AGPS: variants seen among roughly 807,000 people sequenced by gnomAD.
AGPS encodes the protein alkylglycerone phosphate synthase, also known as alkyldihydroxyacetonephosphate synthase, peroxisomal.
AGPS carries 26 observed loss-of-function variants against 90.7 expected under a neutral mutation model. The observed-to-expected ratio is 0.29, with a 90% CI of 0.21 to 0.40. AGPS has a LOEUF of 0.40. Ranked by LOEUF, AGPS falls within the 10% of genes least tolerant of loss-of-function variation. AGPS has a pLI of 1.00. For missense variants in AGPS, 540 were observed against 816.1 expected (o/e 0.66, Z 4.12); for synonymous variants, 294 against 285.3 (o/e 1.03, Z -0.31).
At chr2:177,485,063 C>T (rs1688055666) in intron 11 of AGPS, among the ~76,000 whole-genome samples, 2 of 152,030 alleles carry the variant, frequency 1.3e-5, no homozygotes, top group African/African-American at 2.4e-5. Flanking sequence ...CCACCATGCC[C>T]GGCCCCAAAT....
intron 19 of AGPS, among the ~76,000 whole-genome samples, chr2:177,537,278 A>G (rs1377184751): frequency 6.6e-6 from 1 of 152,122 alleles, no homozygotes; most frequent in African/African-American, 2.4e-5. Context: ...TTTTTCATTG[A>G]GTACCTTTTG....
At chr2:177,529,830 T>C (rs1016130655) in intron 19 of AGPS, among the ~76,000 whole-genome samples, 1 of 152,186 alleles carries the variant, frequency 6.6e-6, no homozygotes, top group African/African-American at 2.4e-5. Context: ...CTATATTGGA[T>C]TCCTGGTTTT....
chr2:177,519,987 A>G (rs1238474823), intron 17 of AGPS, among the ~76,000 whole-genome samples: 2 of 152,228 alleles, frequency 1.3e-5, no homozygotes, highest in Non-Finnish European at 1.5e-5. Context: ...TAGACCATAT[A>G]GGGTAACTTC....
intron 5 of AGPS, among the ~76,000 whole-genome samples, chr2:177,439,753 A>C (rs1207561057): frequency 6.6e-6 from 1 of 152,092 alleles, no homozygotes. Flanking sequence ...GGAGTTTTGC[A>C]TAGTTTTCTT....
intron 10 of AGPS, among the ~76,000 whole-genome samples, chr2:177,472,299 A>G (rs1340778167): frequency 6.6e-6 from 1 of 150,454 alleles, no homozygotes; most frequent in African/African-American, 2.5e-5. Flanking sequence ...TTAAGTTTTA[A>G]TTTGAATCTA....
chr2:177,527,218 A>T (rs1165630905), intron 19 of AGPS, among the ~76,000 whole-genome samples: 1 of 152,122 alleles, frequency 6.6e-6, no homozygotes, highest in African/African-American at 2.4e-5. Flanking sequence ...GCTTAAGCTC[A>T]GGAGTTCGAG....
chr2:177,518,468 G>A (rs116264315), intron 17 of AGPS, among the ~76,000 whole-genome samples: 3,271 of 152,096 alleles, frequency 0.022, 77 homozygotes, highest in South Asian at 0.055. Context: ...ACCTTATGGG[G>A]AGAAACTTTG....
intron 8 of AGPS, among the ~76,000 whole-genome samples, chr2:177,450,975 T>TATA (rs1434749270): frequency 1.5e-5 from 2 of 136,596 alleles, no homozygotes; most frequent in African/African-American, 7.1e-5. Context: ...TATATATATA[T>TATA]TTTAGAGACA....
intron 2 of AGPS, among the ~76,000 whole-genome samples, chr2:177,432,845 G>T (rs1686283975): frequency 6.6e-6 from 1 of 152,188 alleles, no homozygotes; most frequent in Non-Finnish European, 1.5e-5. Context: ...CTGCAGAAGG[G>T]GAAGGGGAGC....
At chr2:177,446,327 G>C (rs898826395) in intron 8 of AGPS, among the ~76,000 whole-genome samples, 2 of 151,978 alleles carry the variant, frequency 1.3e-5, no homozygotes, top group African/African-American at 4.8e-5. Flanking sequence ...CTAATTTTTT[G>C]TATTTTTAGT....
At chr2:177,432,010 A>C (rs1158534718) in intron 2 of AGPS, among the ~76,000 whole-genome samples, 2 of 152,238 alleles carry the variant, frequency 1.3e-5, no homozygotes, top group Non-Finnish European at 2.9e-5. Context: ...CCATGGCTCC[A>C]GCCGGTCCCT....
rs1213383656 is a variant in AGPS, at chr2:177,538,353, A to T, written c.*158A>T. 5.2e-6 allele frequency: 4 copies of T among 765,478 alleles called. No individual in the cohort carries two copies. The highest frequency in any genetic ancestry group is 8.3e-6 in the Non-Finnish European group (4 of 481,760). 47.4% of individuals were successfully genotyped at this position (765,478 alleles called of 1,614,324 possible). A position where few individuals can be genotyped will look rare whatever the true frequency, so the allele number is the denominator to read the frequency against. ...TCATTCTGTAGTTTGTTTTGTTTCTACATCTATGGATTGACAGATAGTATT... is the reference window on the plus strand; with the variant it reads ...TCATTCTGTAGTTTGTTTTGTTTCTTCATCTATGGATTGACAGATAGTATT... On this transcript the variant is annotated 3_prime_UTR_variant, in exon 20 of 20. Coordinates refer to ENST00000264167, the MANE Select transcript of AGPS (RefSeq NM_003659.4).
intron 1 of AGPS, among the ~76,000 whole-genome samples, chr2:177,409,989 C>T (rs753360381): frequency 2.6e-5 from 4 of 152,200 alleles, no homozygotes; most frequent in Non-Finnish European, 4.4e-5. Flanking sequence ...TGGGTGCTAT[C>T]AATGCCTAAA....
chr2:177,486,636 T>A (rs1033670679), intron 11 of AGPS, among the ~76,000 whole-genome samples: 5 of 149,872 alleles, frequency 3.3e-5, no homozygotes, highest in African/African-American at 1.2e-4. Flanking sequence ...TATTTTCAGA[T>A]TCAAGTTGCT....
At chr2:177,405,847 T>TTTTAA (rs1685454867) in intron 1 of AGPS, among the ~76,000 whole-genome samples, 1 of 2,796 alleles carries the variant, frequency 3.6e-4, no homozygotes, top group South Asian at 0.016. Context: ...TTGGGGGAAC[T>TTTTAA]TTAAGTTATT....
intron 16 of AGPS, among the ~76,000 whole-genome samples, chr2:177,511,347 A>G (rs532541524): frequency 2.7e-4 from 41 of 152,118 alleles, no homozygotes; most frequent in African/African-American, 4.1e-4. Flanking sequence ...ATCCTCCTGC[A>G]TTGGCCTTCG....
chr2:177,416,992 G>A (rs1225344344), intron 1 of AGPS, among the ~76,000 whole-genome samples: 1 of 152,128 alleles, frequency 6.6e-6, no homozygotes, highest in Non-Finnish European at 1.5e-5. Flanking sequence ...CTTCATTTTA[G>A]TGCTTGCAGT....
intron 17 of AGPS, 140 bp downstream of exon 17, chr2:177,514,048 C>T (rs1221661354): frequency 4.4e-6 from 3 of 676,312 alleles, no homozygotes; most frequent in South Asian, 3.6e-5. Context: ...TCACTTACCA[C>T]CTTGTTAGGA....
chr2:177,399,079 A>G (rs1685261876), intron 1 of AGPS, among the ~76,000 whole-genome samples: 1 of 152,348 alleles, frequency 6.6e-6, no homozygotes, highest in Non-Finnish European at 1.5e-5. Context: ...GGAAGTTACT[A>G]TAGAGCCATC....
Sources: gnomAD v4.1 joint callset for allele counts (sites outside exome capture counted in the v4.1 genomes callset) on GRCh38, gnomAD v4.1.1 for gene constraint, MANE v1.5 for transcripts, NCBI Gene and HGNC (gene_info 2026-07-23, HGNC 2026-07-21) for gene names.